The following SULF2 variants were observed in gnomAD, a reference collection of about 807,000 sequenced individuals.
SULF2 encodes the protein extracellular sulfatase Sulf-2.
In SULF2, 52 loss-of-function variants were observed where a neutral mutation model predicts 107.7. The observed-to-expected ratio is 0.48, with a 90% CI of 0.39 to 0.61. The LOEUF (loss-of-function observed/expected upper bound fraction) is 0.61. SULF2 is among the 20% of genes least tolerant of loss of function. The probability of loss-of-function intolerance (pLI) is 0.00; values close to 1 mark genes in which losing one functional copy is unlikely to be tolerated. For synonymous variants in SULF2, 460 were observed against 464.3 expected (o/e 0.99, Z 0.12); for missense variants, 993 against 1,177.3 (o/e 0.84, Z 2.29).
At chr20:47,771,506 C>T (rs2090629390) in intron 1 of SULF2, among the ~76,000 whole-genome samples, 2 of 152,204 alleles carry the variant, frequency 1.3e-5, no homozygotes, top group East Asian at 1.9e-4. Flanking sequence ...AATAAGACCT[C>T]GTTTGGGGAA....
At chr20:47,761,670 G>A (rs1336261418) in intron 1 of SULF2, among the ~76,000 whole-genome samples, 1 of 152,238 alleles carries the variant, frequency 6.6e-6, no homozygotes, top group Admixed American at 6.5e-5. Context: ...AAGCACATTA[G>A]CACCATCTGA....
chr20:47,708,765 G>T (rs913976636), intron 3 of SULF2, among the ~76,000 whole-genome samples: 1 of 152,150 alleles, frequency 6.6e-6, no homozygotes, highest in African/African-American at 2.4e-5. Flanking sequence ...TTAGCTTCTT[G>T]GCTTGGCTGC....
chr20:47,781,188 T>C (rs932361925), intron 1 of SULF2, among the ~76,000 whole-genome samples: 1 of 152,228 alleles, frequency 6.6e-6, no homozygotes, highest in Non-Finnish European at 1.5e-5. Context: ...CTGGCCCTGG[T>C]GGAAGGGAGA....
chr20:47,711,342 T>C (rs2088921204), intron 3 of SULF2, among the ~76,000 whole-genome samples: 1 of 152,234 alleles, frequency 6.6e-6, no homozygotes, highest in South Asian at 2.1e-4. Context: ...CTTTGTCCCC[T>C]GTGGTTGTTG....
chr20:47,663,983 G>T, intron 15 of SULF2, 147 bp downstream of exon 15: 2 of 833,988 alleles, frequency 2.4e-6, no homozygotes, highest in Non-Finnish European at 3.7e-6. Flanking sequence ...TGTTGATTGG[G>T]AAGTAAGGCC....
chr20:47,782,120 C>T (rs1426906783), intron 1 of SULF2, among the ~76,000 whole-genome samples: 2 of 152,118 alleles, frequency 1.3e-5, no homozygotes, highest in Non-Finnish European at 1.5e-5. Flanking sequence ...AGGCAAGTAC[C>T]CCTAACTGAT....
At chr20:47,691,966 T>A (rs2088211458) in intron 4 of SULF2, among the ~76,000 whole-genome samples, 1 of 152,076 alleles carries the variant, frequency 6.6e-6, no homozygotes, top group Admixed American at 6.6e-5. Flanking sequence ...AGTGGTGAAA[T>A]CATGGCTCAC....
chr20:47,718,211 C>T (rs1000634744), intron 3 of SULF2, among the ~76,000 whole-genome samples: 4 of 152,104 alleles, frequency 2.6e-5, no homozygotes, highest in African/African-American at 9.7e-5. Flanking sequence ...GCTACCTCTG[C>T]CTTCCAGCTC....
intron 2 of SULF2, among the ~76,000 whole-genome samples, chr20:47,751,591 C>T (rs987317812): frequency 3.3e-5 from 5 of 152,158 alleles, no homozygotes; most frequent in African/African-American, 1.2e-4. Context: ...GTAAAGCCAA[C>T]TTGGAGGAAA....
At chr20:47,782,921 A>G (rs994357122) in intron 1 of SULF2, among the ~76,000 whole-genome samples, 2 of 152,178 alleles carry the variant, frequency 1.3e-5, no homozygotes, top group African/African-American at 4.8e-5. Context: ...TGTTTCTTCT[A>G]CATCTGGGAC....
intron 8 of SULF2, 127 bp from the exon 9 acceptor site, chr20:47,677,261 G>A (rs2087674769): frequency 3.0e-6 from 3 of 995,214 alleles, no homozygotes; most frequent in Non-Finnish European, 4.6e-6. Flanking sequence ...AGCAATTGTG[G>A]TGAGTGTGCC....
intron 20 of SULF2, 91 bp downstream of exon 20, chr20:47,659,308 T>C (rs762342606): frequency 9.1e-5 from 101 of 1,109,198 alleles, no homozygotes; most frequent in Non-Finnish European, 1.2e-4. Context: ...CAAAGGGTGG[T>C]ATGTAAGAAA....
chr20:47,701,659 A>C (rs2088573551), intron 4 of SULF2, among the ~76,000 whole-genome samples: 1 of 152,254 alleles, frequency 6.6e-6, no homozygotes, highest in African/African-American at 2.4e-5. Context: ...AATAACCCCA[A>C]ACTGGAAATA....
chr20:47,678,822 TC>T lies in SULF2; in HGVS notation c.1065-19del, dbSNP rs1488675651. 3.1e-6 allele frequency: 5 copies of T among 1,610,892 alleles called. No individual in the cohort carries two copies. Among genetic ancestry groups the T allele is most frequent in the Non-Finnish European group, 4.2e-6 (5 of 1,178,500 alleles). ...GGGGATTCCTGGGGGAGGCAGGAGA[TC>T]GGGGACTCAGTCACTCAGGTGGTGG... On this transcript the variant is annotated intron_variant, in intron 7 of 20. Coordinates refer to ENST00000688720, the MANE Select transcript of SULF2 (RefSeq NM_001387048.1). The surrounding 1 kb of genome is among the most constrained non-coding windows in gnomAD (Gnocchi z 4.5).
intron 1 of SULF2, among the ~76,000 whole-genome samples, chr20:47,777,358 A>G (rs1428578070): frequency 1.3e-5 from 2 of 152,066 alleles, no homozygotes; most frequent in Non-Finnish European, 2.9e-5. Context: ...ATTAAAAGAG[A>G]GACAGCAAGG....
Position 47,690,169 on chromosome 20 carries a change from C to T in SULF2, c.694G>A (p.Ala232Thr), listed in dbSNP as rs754398787. 2 of 1,549,148 alleles carry T rather than the reference C, an allele frequency of 1.3e-6. No homozygotes were observed. Among genetic ancestry groups the T allele is most frequent in the East Asian group, 2.4e-5 (1 of 41,538 alleles). ...HAAPHGPEDSAPQYSRLFPNA... is the reference protein window; with the variant it reads ...HAAPHGPEDSTPQYSRLFPNA... Reference sequence around the variant, plus strand: ...GGGAAGAGGCGTGAATATTGTGGGGCTGAATCCTCAGGGCCGTGGGGGGCT... The same window carrying T: ...GGGAAGAGGCGTGAATATTGTGGGGTTGAATCCTCAGGGCCGTGGGGGGCT... The change falls in exon 5 of 21, where the codon GCC (alanine) becomes ACC (threonine). Residue 232 changes from alanine (A) to threonine (T), a missense_variant. Ala to Thr is a moderately conservative substitution (Grantham distance 58). This residue lies in a region of SULF2 where 388 missense variants were observed against 449.2 expected (regional missense o/e 0.86). Transcript: ENST00000688720.
At chr20:47,774,041 C>G (rs1236385184) in intron 1 of SULF2, among the ~76,000 whole-genome samples, 1 of 152,226 alleles carries the variant, frequency 6.6e-6, no homozygotes, top group Non-Finnish European at 1.5e-5. Context: ...ATGAGCTGTT[C>G]ATTAGTTCAC....
intron 2 of SULF2, among the ~76,000 whole-genome samples, chr20:47,739,010 T>G (rs946840833): frequency 1.3e-5 from 2 of 152,122 alleles, no homozygotes; most frequent in Admixed American, 1.3e-4. Flanking sequence ...AAGCAGAGAC[T>G]GGAGGGATGC....
chr20:47,665,411 C>A, intron 13 of SULF2, 118 bp from the exon 14 acceptor site: 1 of 752,296 alleles, frequency 1.3e-6, no homozygotes, highest in Non-Finnish European at 2.4e-6. Context: ...CCTGCACTCC[C>A]CGGGCCCCAG....
Sources: allele counts gnomAD v4.1 joint callset (sites outside exome capture counted in the v4.1 genomes callset), GRCh38; gene constraint gnomAD v4.1.1; regional missense constraint gnomAD v4.1.1; non-coding constraint Gnocchi (gnomAD v3.1); transcripts MANE v1.5; gene names NCBI Gene and HGNC (gene_info 2026-07-23, HGNC 2026-07-21).